The following IMMP2L variants were observed in gnomAD, a reference collection of about 807,000 sequenced individuals.
The protein encoded by IMMP2L is inner mitochondrial membrane peptidase subunit 2.
A neutral mutation model predicts 19.3 loss-of-function variants in IMMP2L; 18 were observed. The ratio of observed to expected loss-of-function variants is 0.93; its 90% CI spans 0.64 to 1.38. IMMP2L has a LOEUF of 1.38. IMMP2L is among the 40% of genes most tolerant of loss of function. The probability of loss-of-function intolerance (pLI) is 0.00; values close to 1 mark genes in which losing one functional copy is unlikely to be tolerated. For synonymous variants in IMMP2L, 76 were observed against 73.0 expected, an observed-to-expected ratio of 1.04 and a Z score of -0.21; for missense variants, 233 against 218.2, an observed-to-expected ratio of 1.07 and a Z score of -0.43.
chr7:110,854,061 A>T (rs954885691), intron 5 of IMMP2L, among the ~76,000 whole-genome samples: 16 of 151,962 alleles, frequency 1.1e-4, no homozygotes, highest in Non-Finnish European at 2.4e-4. Context: ...CCTATGTCTT[A>T]CAGTCACCAA....
At chr7:110,849,458 T>A (rs1406751090) in intron 5 of IMMP2L, among the ~76,000 whole-genome samples, 1 of 152,100 alleles carries the variant, frequency 6.6e-6, no homozygotes, top group South Asian at 2.1e-4. Context: ...TAATATTATA[T>A]AAATCAATTT....
At chr7:110,766,409 G>T (rs1042531183) in intron 5 of IMMP2L, among the ~76,000 whole-genome samples, 2 of 151,858 alleles carry the variant, frequency 1.3e-5, no homozygotes, top group Non-Finnish European at 2.9e-5. Flanking sequence ...TGGCCCACAT[G>T]GCGAAGTCCC....
At chr7:110,701,936 T>A (rs1317505486) in intron 5 of IMMP2L, among the ~76,000 whole-genome samples, 2 of 152,044 alleles carry the variant, frequency 1.3e-5, no homozygotes, top group Admixed American at 6.6e-5. Context: ...TCCTTTTTTT[T>A]ATTTTTATTT....
rs1187876794 is a variant in IMMP2L at position 111,111,952 on chromosome 7, T to G, written c.240-148387A>C. Among the ~76,000 whole-genome samples the G allele has an allele frequency of 9.6e-3, 1,289 of 133,640 alleles. 36 individuals carry two copies. The highest frequency in any genetic ancestry group is 0.033 in the African/African-American group (1,188 of 35,582). 87.7% of individuals were successfully genotyped at this position (133,640 alleles called of 152,430 possible). Reference sequence around the variant, plus strand: ...ATATATATATAGTTTGTTTTTTTTTTTTTTTTTTTTTTTGAGATGGAGTCT... The same window carrying G: ...ATATATATATAGTTTGTTTTTTTTTGTTTTTTTTTTTTTGAGATGGAGTCT... On this transcript the variant is annotated intron_variant, in intron 3 of 5. Transcript: ENST00000405709.
rs143492097 is a variant in IMMP2L, at chr7:110,715,746, G to A, written c.409-52025C>T. On this transcript the variant is annotated intron_variant, in intron 5 of 5. Transcript: ENST00000405709. ...GTAGGCTGCGATTGATGGGTTGAGC[G>A]CTCTGTAGATGTTTGTTAGGTCCAA... Among the ~76,000 whole-genome samples, 39 of 152,176 alleles carry A rather than the reference G, an allele frequency of 2.6e-4. No individual in the cohort carries two copies. In the East Asian group the frequency reaches 5.0e-3, roughly 20 times the overall value.
In IMMP2L at chr7:110,924,976, T is replaced by C. The variant is rs1387004394; in HGVS notation, c.306-38281A>G. On this transcript the variant is annotated intron_variant, in intron 4 of 5. Transcript: ENST00000405709. This position sits in a 1 kb window ranked among gnomAD's most constrained non-coding sequence, Gnocchi z 4.2. ...ACTTTCAACTACATCTAACCATTCA[T>C]AGTTATGCATGATAAGGGAATAAAA... 1.3e-5 allele frequency among the ~76,000 whole-genome samples: 2 copies of C among 152,132 alleles called. No homozygotes were observed. The highest frequency in any genetic ancestry group is 6.6e-5 in the Admixed American group (1 of 15,258).
intron 5 of IMMP2L, among the ~76,000 whole-genome samples, chr7:110,794,506 T>A (rs1338186628): frequency 6.6e-6 from 1 of 152,130 alleles, no homozygotes; most frequent in East Asian, 1.9e-4. Context: ...AAAATGTATC[T>A]TCCATTATTA....
At chr7:110,864,566 CTGT>C (rs776843600) in intron 5 of IMMP2L, among the ~76,000 whole-genome samples, 9 of 152,080 alleles carry the variant, frequency 5.9e-5, no homozygotes, top group South Asian at 2.1e-4. Flanking sequence ...TTGAAGTTTT[CTGT>C]TGTTGTTATC....
intron 3 of IMMP2L, among the ~76,000 whole-genome samples, chr7:111,389,761 A>T (rs953924834): frequency 1.3e-5 from 2 of 152,142 alleles, no homozygotes; most frequent in Admixed American, 1.3e-4. Context: ...TTAAATGCCC[A>T]TATAACTATT....
At chr7:111,174,926 A>G (rs1806869324) in intron 3 of IMMP2L, among the ~76,000 whole-genome samples, 1 of 151,732 alleles carries the variant, frequency 6.6e-6, no homozygotes, top group Non-Finnish European at 1.5e-5. Flanking sequence ...ATCAAACATA[A>G]ATAAGTCCCT....
Position 110,951,536 on chromosome 7 carries a change from ATGG to A in IMMP2L, c.305+11961_305+11963del, listed in dbSNP as rs1049414263. On this transcript the variant is annotated intron_variant, in intron 4 of 5. Transcript: ENST00000405709. ...TCACAAAGTATTGCTGCATGTATATATGGTGTGTGTGTGTGTGTGTGTGTGTAT... is the reference window on the plus strand; with the variant it reads ...TCACAAAGTATTGCTGCATGTATATATGTGTGTGTGTGTGTGTGTGTGTAT... Among the ~76,000 whole-genome samples, 10 of 129,444 alleles carry A rather than the reference ATGG, an allele frequency of 7.7e-5. No individual in the cohort carries two copies. The Admixed American group carries it at 8.0e-4, about 10-fold the overall frequency. The allele number at this position is 129,444 out of a possible 152,430, so 84.9% of individuals were successfully genotyped here. A position where few individuals can be genotyped will look rare whatever the true frequency, so the allele number is the denominator to read the frequency against.
chr7:111,539,196 G>GAAGGAAGGAAGGAGAA (rs1848235484), intron 1 of IMMP2L, among the ~76,000 whole-genome samples: 16 of 30,056 alleles, frequency 5.3e-4, no homozygotes, highest in East Asian at 9.8e-4. Flanking sequence ...AGGAAGGAGG[G>GAAGGAAGGAAGGAGAA]AGAAAGAAAG....
chr7:111,109,632 T>C (rs796580258), intron 3 of IMMP2L, among the ~76,000 whole-genome samples: 5 of 152,276 alleles, frequency 3.3e-5, no homozygotes, highest in African/African-American at 1.2e-4. Context: ...TTTCACCACC[T>C]CATGAAATCT....
At chr7:110,889,085 T>G (rs188167452) in intron 4 of IMMP2L, among the ~76,000 whole-genome samples, 1 of 152,314 alleles carries the variant, frequency 6.6e-6, no homozygotes, top group African/African-American at 2.4e-5. Flanking sequence ...AGTTTCTACC[T>G]CTATTTGCCC....
chr7:111,555,275 G>C (rs749186952), intron 1 of IMMP2L, among the ~76,000 whole-genome samples: 2 of 152,206 alleles, frequency 1.3e-5, no homozygotes, highest in Middle Eastern at 3.4e-3. Context: ...AACTGGATTA[G>C]GTTAGAGAAT....
At chr7:110,720,253 A>C (rs1199454769) in intron 5 of IMMP2L, among the ~76,000 whole-genome samples, 3 of 152,182 alleles carry the variant, frequency 2.0e-5, no homozygotes, top group Non-Finnish European at 2.9e-5. Flanking sequence ...GAGGCTTATA[A>C]CACGTAGAGG....
chr7:111,311,546 G>T lies in IMMP2L; in HGVS notation c.239+175692C>A, dbSNP rs192108625. 2.3e-4 allele frequency among the ~76,000 whole-genome samples: 35 copies of T among 152,198 alleles called. No individual in the cohort carries two copies. In the East Asian group the frequency reaches 6.2e-3, roughly 27 times the overall value. On this transcript the variant is annotated intron_variant, in intron 3 of 5. Coordinates refer to ENST00000405709, the MANE Select transcript of IMMP2L (RefSeq NM_032549.4). Reference sequence around the variant, plus strand: ...ACTGAGATCACACTGGGGACAACTTGAAGAAAGATTTTTGGTATGTATTTG... The same window carrying T: ...ACTGAGATCACACTGGGGACAACTTTAAGAAAGATTTTTGGTATGTATTTG...
At chr7:110,784,221 T>C (rs1217876935) in intron 5 of IMMP2L, among the ~76,000 whole-genome samples, 2 of 151,926 alleles carry the variant, frequency 1.3e-5, no homozygotes, top group Non-Finnish European at 2.9e-5. Context: ...CCTATGGACT[T>C]CTTCAGCAAT....
intron 3 of IMMP2L, among the ~76,000 whole-genome samples, chr7:111,160,387 C>T (rs907824744): frequency 6.6e-6 from 1 of 151,996 alleles, no homozygotes; most frequent in Non-Finnish European, 1.5e-5. Context: ...TAGTCTACTG[C>T]AATTTCTATA....
Sources: allele counts gnomAD v4.1 joint callset (sites outside exome capture counted in the v4.1 genomes callset), GRCh38; gene constraint gnomAD v4.1.1; non-coding constraint Gnocchi (gnomAD v3.1); transcripts MANE v1.5; gene names NCBI Gene and HGNC (gene_info 2026-07-23, HGNC 2026-07-21).